PANK3: variants seen among roughly 807,000 people sequenced by gnomAD.
The protein encoded by PANK3 is pantothenate kinase 3, also known as hPanK3.
PANK3 carries 20 observed loss-of-function variants against 39.4 expected under a neutral mutation model. The ratio of observed to expected loss-of-function variants is 0.51; its 90% CI spans 0.36 to 0.74. PANK3 has a LOEUF of 0.74. Among genes scored for constraint, PANK3 ranks in the 30% least tolerant of loss-of-function variants. PANK3 has a pLI of 0.00. For missense variants in PANK3, 265 were observed against 437.0 expected (o/e 0.61, Z 3.51); for synonymous variants, 140 against 157.3 (o/e 0.89, Z 0.82).
At chr5:168,573,416 CAAAAAAAAAAAAAAAA>C (rs574960925) in intron 1 of PANK3, among the ~76,000 whole-genome samples, 7 of 16,938 alleles carry the variant, frequency 4.1e-4, no homozygotes, top group African/African-American at 1.6e-3. Flanking sequence ...CTCAGCAAGG[CAAAAAAAAAAAAAAAA>C]AAAAAAAAAA....
chr5:168,553,115 G>T lies in PANK3; in HGVS notation c.*4456C>A. 1 of 431,542 alleles carries T rather than the reference G, an allele frequency of 2.3e-6. No individual in the cohort carries two copies. The highest frequency in any genetic ancestry group is 4.6e-6 in the Non-Finnish European group (1 of 218,468). 26.7% of individuals were successfully genotyped at this position (431,542 alleles called of 1,614,324 possible). A position where few individuals can be genotyped will look rare whatever the true frequency, so the allele number is the denominator to read the frequency against. ...AACTTACGACTTCCAGGGCAAAATG[G>T]AAGGGCTACACTTTATAGGACAGCT... is the stretch of plus-strand genomic sequence containing the variant. On this transcript the variant is annotated 3_prime_UTR_variant, in exon 7 of 7. Coordinates refer to ENST00000239231, the MANE Select transcript of PANK3 (RefSeq NM_024594.4).
chr5:168,563,998 G>A lies in PANK3; in HGVS notation c.703C>T (p.Leu235Phe), dbSNP rs1035229696. The change falls in exon 4 of 7, where the codon CTT becomes TTT. Residue 235 changes from leucine to phenylalanine, a missense_variant. Transcript: ENST00000239231. ...LTGCESFEEA[L>F]EMASKGDSTQ... is the part of the protein sequence containing the mutation. ...CTATCACCTTTGGATGCCATTTCAA[G>A]AGCCTCTTCAAAACTTTCACAGCCA... is the stretch of plus-strand genomic sequence containing the variant. The A allele has an allele frequency of 1.9e-6, 3 of 1,613,666 alleles. No homozygotes were observed. The highest frequency in any genetic ancestry group is 2.5e-6 in the Non-Finnish European group (3 of 1,179,794).
chr5:168,564,757 A>G (rs554226017), intron 3 of PANK3, among the ~76,000 whole-genome samples: 13 of 152,304 alleles, frequency 8.5e-5, no homozygotes, highest in African/African-American at 3.1e-4. Context: ...AATCGTTTCC[A>G]AGAAATGATT....
chr5:168,561,444 A>G lies in PANK3; in HGVS notation c.885T>C (p.Val295=), dbSNP rs1759446302. The change falls in exon 5 of 7, where the codon GTT becomes GTC. Residue 295 remains valine (V), a synonymous_variant. Coordinates refer to ENST00000239231, the MANE Select transcript of PANK3 (RefSeq NM_024594.4). ...SKEDLARATL[V]TITNNIGSVA... ...CAGAACCAATGTTATTGGTGATAGTAACTAAAGTAGCTCTTGCCAGATCTT... is the reference window on the plus strand; with the variant it reads ...CAGAACCAATGTTATTGGTGATAGTGACTAAAGTAGCTCTTGCCAGATCTT... 2.5e-6 allele frequency: 4 copies of G among 1,605,724 alleles called. No individual in the cohort carries two copies. Among genetic ancestry groups the G allele is most frequent in the Non-Finnish European group, 3.4e-6 (4 of 1,176,000 alleles).
chr5:168,578,629 T>G (rs1759771428), intron 1 of PANK3: 1 of 152,242 alleles, frequency 6.6e-6, no homozygotes, highest in South Asian at 2.1e-4. Context: ...TCTACGGGTA[T>G]TCACCATAAT....
intron 1 of PANK3, among the ~76,000 whole-genome samples, chr5:168,575,455 G>GAAC (rs34854995): frequency 0.44 from 67,408 of 151,760 alleles, 15,859 homozygotes; most frequent in African/African-American, 0.61. Flanking sequence ...AGGAAGCAGA[G>GAAC]AACACTAACA....
Position 168,553,248 on chromosome 5 carries a change from G to GGACTAAAT in PANK3, c.*4322_*4323insATTTAGTC, listed in dbSNP as rs1208978820. ...GAATACCAACGACGTCCAGCTGGTTGAGAGCACTAAAGGTACCCCAAAGGG... is the reference window on the plus strand; with the variant it reads ...GAATACCAACGACGTCCAGCTGGTTGGACTAAATAGAGCACTAAAGGTACCCCAAAGGG... On this transcript the variant is annotated 3_prime_UTR_variant, in exon 7 of 7. Coordinates refer to ENST00000239231, the MANE Select transcript of PANK3 (RefSeq NM_024594.4). 1.9e-6 allele frequency: 1 copy of GGACTAAAT among 514,892 alleles called. No individual in the cohort carries two copies. The highest frequency in any genetic ancestry group is 3.9e-6 in the Non-Finnish European group (1 of 253,282). 31.9% of individuals were successfully genotyped at this position (514,892 alleles called of 1,614,324 possible).
In PANK3 at chr5:168,553,521, A is replaced by T. The variant is rs1759304030; in HGVS notation, c.*4050T>A. 5.8e-6 allele frequency: 2 copies of T among 345,820 alleles called. No homozygotes were observed. The highest frequency in any genetic ancestry group is 1.1e-5 in the Non-Finnish European group (2 of 176,416). 21.4% of individuals were successfully genotyped at this position (345,820 alleles called of 1,614,324 possible). ...CCATTGGGGAAGATGGCCACAGACA[A>T]GGGCCAGGGGGACATGAGCAAAACC... On this transcript the variant is annotated 3_prime_UTR_variant, in exon 7 of 7. Coordinates refer to ENST00000239231, the MANE Select transcript of PANK3 (RefSeq NM_024594.4).
chr5:168,573,970 A>G (rs1490981405), intron 1 of PANK3, among the ~76,000 whole-genome samples: 1 of 152,054 alleles, frequency 6.6e-6, no homozygotes, highest in African/African-American at 2.4e-5. Context: ...TAATGCTGCA[A>G]TAAACATACG....
rs1759461088 is a variant in PANK3, at chr5:168,562,380, A to C, written c.813-864T>G. Reference sequence around the variant, plus strand: ...AGAAAAATCTTAGGCAGAGGCAACTAAAGGTTAAAGGCACACAGAAATGAG... The same window carrying C: ...AGAAAAATCTTAGGCAGAGGCAACTCAAGGTTAAAGGCACACAGAAATGAG... On this transcript the variant is annotated intron_variant, in intron 4 of 6. Transcript: ENST00000239231. Among the ~76,000 whole-genome samples the C allele has an allele frequency of 3.9e-5, 6 of 152,354 alleles. No homozygotes were observed. In the South Asian group the frequency reaches 1.2e-3, roughly 32 times the overall value.
At chr5:168,562,575 T>C (rs1484245948) in intron 4 of PANK3, among the ~76,000 whole-genome samples, 2 of 152,138 alleles carry the variant, frequency 1.3e-5, no homozygotes, top group African/African-American at 4.8e-5. Flanking sequence ...GGAAGCATAA[T>C]GGGAGACAAG....
rs1338419567 is a variant in PANK3, at chr5:168,550,784, T to C, written c.*6787A>G. 1 of 152,152 alleles carries C rather than the reference T, an allele frequency of 6.6e-6. No homozygotes were observed. Among genetic ancestry groups the C allele is most frequent in the Non-Finnish European group, 1.5e-5 (1 of 68,012 alleles). The allele number at this position is 152,152 out of a possible 1,614,324, so 9.4% of individuals were successfully genotyped here. On this transcript the variant is annotated 3_prime_UTR_variant, in exon 7 of 7. Coordinates refer to ENST00000239231, the MANE Select transcript of PANK3 (RefSeq NM_024594.4). ...CACAGCCATGAATGAAGCAATTTTC[T>C]CAGGACCCTGAAAACTGACTCATTT...
intron 6 of PANK3, among the ~76,000 whole-genome samples, chr5:168,558,109 A>ATTCTGAT (rs1229874111): frequency 1.3e-5 from 2 of 149,044 alleles, no homozygotes; most frequent in Non-Finnish European, 3.0e-5. Flanking sequence ...AGGGCACACC[A>ATTCTGAT]TTCTGATTTG....
Position 168,557,565 on chromosome 5 carries a change from G to C in PANK3, c.*6C>G, listed in dbSNP as rs1482861105. 3 of 1,612,392 alleles carry C rather than the reference G, an allele frequency of 1.9e-6. No homozygotes were observed. Among genetic ancestry groups the C allele is most frequent in the Non-Finnish European group, 2.5e-6 (3 of 1,178,656 alleles). On this transcript the variant is annotated 3_prime_UTR_variant, in exon 7 of 7. Coordinates refer to ENST00000239231, the MANE Select transcript of PANK3 (RefSeq NM_024594.4). ...CATTTATTAGCAGAGAGAGAGACCT[G>C]ATGCTTTAGCTGAAATTTGGCAGCC...
chr5:168,565,511 G>C (rs1759510040), intron 3 of PANK3, among the ~76,000 whole-genome samples: 1 of 151,728 alleles, frequency 6.6e-6, no homozygotes, highest in African/African-American at 2.4e-5. Flanking sequence ...AAATGCTTTG[G>C]AAAAAAGAAC....
chr5:168,563,513 T>A (rs887550159), intron 4 of PANK3, among the ~76,000 whole-genome samples: 1 of 152,136 alleles, frequency 6.6e-6, no homozygotes, highest in South Asian at 2.1e-4. Flanking sequence ...TGGGAATTTA[T>A]CCTACACCTG....
chr5:168,563,367 T>G (rs1455106924), intron 4 of PANK3, among the ~76,000 whole-genome samples: 1 of 152,198 alleles, frequency 6.6e-6, no homozygotes, highest in African/African-American at 2.4e-5. Context: ...CTTCTCCATC[T>G]GATTAGCAAA....
At chr5:168,570,785 AAG>A (rs1759617332) in intron 1 of PANK3, among the ~76,000 whole-genome samples, 2 of 152,216 alleles carry the variant, frequency 1.3e-5, no homozygotes, top group African/African-American at 4.8e-5. Context: ...CGTTCTAAGT[AAG>A]AGAGTGGCAC....
At chr5:168,560,481 T>TA (rs1254567356) in intron 5 of PANK3, among the ~76,000 whole-genome samples, 2 of 152,302 alleles carry the variant, frequency 1.3e-5, no homozygotes, top group African/African-American at 4.8e-5. Context: ...GGTCTCTTTT[T>TA]AAAAAAATAG....
Sources: allele counts gnomAD v4.1 joint callset (sites outside exome capture counted in the v4.1 genomes callset), GRCh38; gene constraint gnomAD v4.1.1; transcripts MANE v1.5; gene names NCBI Gene and HGNC (gene_info 2026-07-23, HGNC 2026-07-21).